DMD: variants seen among roughly 807,000 people sequenced by gnomAD.
DMD encodes dystrophin.
Under a neutral mutation model 330.1 loss-of-function variants are expected in DMD, and 63 were observed. The observed-to-expected ratio is 0.19, with a 90% confidence interval of 0.16 to 0.24. The LOEUF (loss-of-function observed/expected upper bound fraction) is 0.24, where lower values mean the gene tolerates loss of function less well. Among genes scored for constraint, DMD ranks in the 10% least tolerant of loss-of-function variants. The pLI is 1.00. For missense variants in DMD, 3,344 were observed against 2,684.1 expected, an observed-to-expected ratio of 1.25 and a Z score of -5.43; for synonymous variants, 1,223 against 959.8, an observed-to-expected ratio of 1.27 and a Z score of -5.07.
At chrX:33,217,667 A>G (rs2052083161) in intron 1 of DMD, among the ~76,000 whole-genome samples, 1 of 111,962 alleles carries the variant, frequency 8.9e-6, no homozygotes, top group African/African-American at 3.2e-5. Flanking sequence ...AGATTCTTAA[A>G]TTATAATGCT....
intron 76 of DMD, among the ~76,000 whole-genome samples, chrX:31,136,492 C>T (rs976460322): frequency 6.3e-5 from 7 of 111,939 alleles, no homozygotes; most frequent in Non-Finnish European, 1.1e-4. Flanking sequence ...CAAATTTTTG[C>T]GGAACTGGGA....
At chrX:32,439,215 T>C (rs2098272373) in intron 28 of DMD, among the ~76,000 whole-genome samples, 1 of 111,888 alleles carries the variant, frequency 8.9e-6, no homozygotes, top group Non-Finnish European at 1.9e-5. Context: ...TTTCCTTGTT[T>C]TAAAAAAATG....
intron 26 of DMD, among the ~76,000 whole-genome samples, chrX:32,453,949 A>G (rs754223435): frequency 1.5e-4 from 17 of 111,239 alleles, no homozygotes; most frequent in Non-Finnish European, 1.9e-5. Context: ...TAGGCAATTT[A>G]CTCACATGGT....
chrX:32,197,546 C>G lies in DMD; in HGVS notation c.6438+19370G>C, dbSNP rs759772120. ...AGCCCAGCAGTGAACTTCAGGGGGT[C>G]AATAGCATGCAAATATGTATTTAAA... On this transcript the variant is annotated intron_variant, in intron 44 of 78. Coordinates refer to ENST00000357033, the MANE Select transcript of DMD (RefSeq NM_004006.3). Among the ~76,000 whole-genome samples, 295 of 111,182 alleles carry G rather than the reference C, an allele frequency of 2.7e-3. 3 individuals carry two copies. The highest frequency in any genetic ancestry group is 3.8e-3 in the Non-Finnish European group (203 of 52,981).
chrX:32,266,434 TTC>T (rs756400607), intron 43 of DMD, among the ~76,000 whole-genome samples: 37 of 112,068 alleles, frequency 3.3e-4, no homozygotes, highest in African/African-American at 1.2e-3. Context: ...ATATTTTACT[TTC>T]TGAGTTTACT....
chrX:33,319,252 ATTAT>A (rs757466826), intron 1 of DMD, among the ~76,000 whole-genome samples: 1 of 110,453 alleles, frequency 9.1e-6, no homozygotes, highest in Non-Finnish European at 1.9e-5. Flanking sequence ...CACCCAGTTT[ATTAT>A]TTATTTTTTT....
intron 55 of DMD, among the ~76,000 whole-genome samples, chrX:31,511,328 A>ATTTC (rs2071541362): frequency 1.1e-5 from 1 of 88,901 alleles, no homozygotes; most frequent in Non-Finnish European, 2.2e-5. Flanking sequence ...TTATTTATTT[A>ATTTC]TTTATTTATT....
At chrX:32,372,388 T>G (rs2097882562) in intron 34 of DMD, among the ~76,000 whole-genome samples, 1 of 111,574 alleles carries the variant, frequency 9.0e-6, no homozygotes, top group Non-Finnish European at 1.9e-5. Flanking sequence ...GAGTAGGGGT[T>G]ATCATGAAAG....
At chrX:33,246,423 C>T (rs183384790) in intron 1 of DMD, among the ~76,000 whole-genome samples, 111 of 111,343 alleles carry the variant, frequency 1.0e-3, no homozygotes, top group Non-Finnish European at 1.7e-3. Flanking sequence ...TCTAATGTTG[C>T]TCCTAGCTCT....
At chrX:32,898,525 AT>A (rs1225257193) in intron 2 of DMD, among the ~76,000 whole-genome samples, 7 of 112,317 alleles carry the variant, frequency 6.2e-5, no homozygotes, top group Admixed American at 1.9e-4. Flanking sequence ...TTGGCAGGGT[AT>A]GGGCTGCTGG....
intron 41 of DMD, among the ~76,000 whole-genome samples, chrX:32,326,673 G>C (rs1467906936): frequency 9.0e-6 from 1 of 111,654 alleles, no homozygotes; most frequent in Non-Finnish European, 1.9e-5. Context: ...GGGAGGCCGA[G>C]GCAGGCAGAT....
chrX:31,471,836 C>T (rs1354815340), intron 59 of DMD, among the ~76,000 whole-genome samples: 4 of 111,721 alleles, frequency 3.6e-5, no homozygotes, highest in Non-Finnish European at 7.5e-5. Flanking sequence ...ATATACCGTA[C>T]TTATAAAGTA....
intron 2 of DMD, among the ~76,000 whole-genome samples, chrX:32,881,338 G>A (rs1353262945): frequency 8.9e-6 from 1 of 112,673 alleles, no homozygotes; most frequent in Non-Finnish European, 1.9e-5. Flanking sequence ...TTCTTTCTGT[G>A]AAGACAATTA....
Position 33,056,719 on chromosome X carries a change from C to A in DMD, c.32-36519G>T, listed in dbSNP as rs183767670. Among the ~76,000 whole-genome samples, 172 of 111,657 alleles carry A rather than the reference C, an allele frequency of 1.5e-3. 2 individuals carry two copies. Among genetic ancestry groups the A allele is most frequent in the African/African-American group, 5.3e-3 (163 of 30,760 alleles). The stretch of plus-strand genomic sequence containing the variant: ...TTCGTTCGTTCATTCATTCAATAAA[C>A]TCTGCTACAGTATTCAGAGACTCTT... On this transcript the variant is annotated intron_variant, in intron 1 of 78. Coordinates refer to ENST00000357033, the MANE Select transcript of DMD (RefSeq NM_004006.3).
chrX:33,283,841 A>T (rs911705334), intron 1 of DMD, among the ~76,000 whole-genome samples: 6 of 95,254 alleles, frequency 6.3e-5, no homozygotes, highest in African/African-American at 2.3e-4. Flanking sequence ...ACATGGTGAA[A>T]CCTCATCTCT....
chrX:32,139,864 T>C (rs1460786458), intron 44 of DMD, among the ~76,000 whole-genome samples: 2 of 112,142 alleles, frequency 1.8e-5, no homozygotes, highest in Non-Finnish European at 3.8e-5. Flanking sequence ...TAAGGGAAAA[T>C]AGAGAAAGAA....
At chrX:32,457,891 A>AGTAT (rs2148377831) in intron 25 of DMD, among the ~76,000 whole-genome samples, 1 of 110,477 alleles carries the variant, frequency 9.1e-6, no homozygotes, top group South Asian at 3.8e-4. Flanking sequence ...TAAAGCCACT[A>AGTAT]ATAATTAAAA....
intron 60 of DMD, among the ~76,000 whole-genome samples, chrX:31,428,060 G>C (rs2063812244): frequency 8.9e-6 from 1 of 112,120 alleles, no homozygotes; most frequent in African/African-American, 3.2e-5. Flanking sequence ...TTATTTGCAA[G>C]ACCATGTGCC....
intron 7 of DMD, among the ~76,000 whole-genome samples, chrX:32,767,711 G>C (rs761132619): frequency 5.4e-5 from 6 of 111,539 alleles, no homozygotes; most frequent in African/African-American, 1.9e-4. Flanking sequence ...ATTTTTGTAA[G>C]GATTATAACT....
Sources: allele counts gnomAD v4.1 joint callset (sites outside exome capture counted in the v4.1 genomes callset), GRCh38; gene constraint gnomAD v4.1.1; transcripts MANE v1.5; gene names NCBI Gene and HGNC (gene_info 2026-07-23, HGNC 2026-07-21).